The following CD40LG variants were observed in gnomAD, a reference collection of about 807,000 sequenced individuals.
CD40LG encodes CD40 antigen ligand.
In CD40LG, 1 loss-of-function variant was observed where a neutral mutation model predicts 17.2. The ratio of observed to expected loss-of-function variants is 0.06; its 90% CI spans 0.02 to 0.28. The LOEUF (loss-of-function observed/expected upper bound fraction) is 0.28, where lower values mean the gene tolerates loss of function less well. Among genes scored for constraint, CD40LG ranks in the 10% least tolerant of loss-of-function variants. The pLI is 1.00. For missense variants in CD40LG, 133 were observed against 193.2 expected (o/e 0.69, Z 1.85); for synonymous variants, 66 against 74.4 (o/e 0.89, Z 0.58).
intron 2 of CD40LG, among the ~76,000 whole-genome samples, chrX:136,653,872 C>T (rs779654005): frequency 1.5e-3 from 171 of 112,167 alleles, no homozygotes; most frequent in African/African-American, 5.2e-3. Context: ...TTAAAAATGT[C>T]TGAGGGTCTT....
rs2076094811 is a variant in CD40LG at position 136,648,288 on chromosome X, G to A, written c.40G>A (p.Ala14Thr). The A allele has an allele frequency of 2.5e-6, 3 of 1,201,702 alleles. No individual in the cohort carries two copies. The highest frequency in any genetic ancestry group is 3.4e-6 in the Non-Finnish European group (3 of 886,392). Residue 14 changes from alanine (A) to threonine (T), a missense_variant, in exon 1 of 5, where the codon GCC becomes ACC. Coordinates refer to ENST00000370629, the MANE Select transcript of CD40LG (RefSeq NM_000074.3). The part of the protein sequence containing the change: ...TYNQTSPRSA[A>T]TGLPISMKIF... Reference sequence around the variant, plus strand: ...CAACCAAACTTCTCCCCGATCTGCGGCCACTGGACTGCCCATCAGCATGAA... The same window carrying A: ...CAACCAAACTTCTCCCCGATCTGCGACCACTGGACTGCCCATCAGCATGAA...
chrX:136,656,368 C>T lies in CD40LG; in HGVS notation c.359C>T (p.Pro120Leu). 8.3e-7 allele frequency: 1 copy of T among 1,209,902 alleles called. No individual in the cohort carries two copies. Among genetic ancestry groups the T allele is most frequent in the Non-Finnish European group, 1.1e-6 (1 of 893,907 alleles). The change falls in exon 4 of 5, where the codon CCT (proline) becomes CTT (leucine). Residue 120 changes from proline to leucine, a missense_variant. By Grantham distance (98) the Pro-to-Leu change is moderately conservative. Coordinates refer to ENST00000370629, the MANE Select transcript of CD40LG (RefSeq NM_000074.3). ...GGTTCCATTTCAGGTGATCAGAATCCTCAAATTGCGGCACATGTCATAAGT... is the reference window on the plus strand; with the variant it reads ...GGTTCCATTTCAGGTGATCAGAATCTTCAAATTGCGGCACATGTCATAAGT... ...SFEMQKGDQN[P>L]QIAAHVISEA...
intron 1 of CD40LG, 96 bp downstream of exon 1, chrX:136,648,500 A>C (rs1490100288): frequency 6.6e-6 from 5 of 755,340 alleles, no homozygotes; most frequent in Non-Finnish European, 1.0e-5. Context: ...TAGAAACCAA[A>C]TAGAAGAATG....
At chrX:136,654,672 A>G (rs955943973) in intron 3 of CD40LG, among the ~76,000 whole-genome samples, 1 of 111,984 alleles carries the variant, frequency 8.9e-6, no homozygotes, top group Admixed American at 9.5e-5. Flanking sequence ...ATCTGAAGAA[A>G]TCCCATTATG....
intron 2 of CD40LG, among the ~76,000 whole-genome samples, chrX:136,653,429 T>G (rs1465404420): frequency 1.8e-5 from 2 of 112,624 alleles, no homozygotes; most frequent in African/African-American, 6.5e-5. Context: ...ACTTTGATTA[T>G]CATAAGATGT....
chrX:136,653,733 C>T (rs928202962), intron 2 of CD40LG, among the ~76,000 whole-genome samples: 7 of 112,418 alleles, frequency 6.2e-5, no homozygotes, highest in Admixed American at 5.7e-4. Context: ...TAAGAAGTGT[C>T]GCACTTGCCT....
chrX:136,655,040 C>T (rs1463509550), intron 3 of CD40LG, among the ~76,000 whole-genome samples: 1 of 111,421 alleles, frequency 9.0e-6, no homozygotes, highest in African/African-American at 3.3e-5. Context: ...ATAAGGCAGC[C>T]TGATCCGTCT....
rs1161493956 is a variant in CD40LG, at chrX:136,648,423, C to T, written c.156+19C>T. Reference sequence around the variant, plus strand: ...GGACAAGGTAAGATGAACCACAAGCCTTTATTAACTAAATTTGGGGTCCTT... The same window carrying T: ...GGACAAGGTAAGATGAACCACAAGCTTTTATTAACTAAATTTGGGGTCCTT... On this transcript the variant is annotated intron_variant, in intron 1 of 4. Transcript: ENST00000370629. 8.4e-7 allele frequency: 1 copy of T among 1,197,293 alleles called. No individual in the cohort carries two copies. The highest frequency in any genetic ancestry group is 3.0e-5 in the East Asian group (1 of 33,818).
intron 2 of CD40LG, 68 bp downstream of exon 2, chrX:136,650,465 T>G: frequency 1.0e-6 from 1 of 985,370 alleles, no homozygotes; most frequent in Admixed American, 2.2e-5. Context: ...ATCGGGAAAC[T>G]GACAATGCCA....
chrX:136,650,673 A>G (rs752885817), intron 2 of CD40LG, among the ~76,000 whole-genome samples: 1 of 110,993 alleles, frequency 9.0e-6, no homozygotes, highest in East Asian at 2.8e-4. Flanking sequence ...CACTAGGCAA[A>G]ATGATGAAGT....
At position 136,653,419 on chromosome X, in the gene CD40LG, A is replaced by G. The variant is rs1454255239; in HGVS notation, c.289-954A>G. 9.8e-5 allele frequency among the ~76,000 whole-genome samples: 11 copies of G among 112,618 alleles called. No individual in the cohort carries two copies. In the Admixed American group the frequency reaches 1.0e-3, roughly 11 times the overall value. On this transcript the variant is annotated intron_variant, in intron 2 of 4. Coordinates refer to ENST00000370629, the MANE Select transcript of CD40LG (RefSeq NM_000074.3). Reference sequence around the variant, plus strand: ...TTCCAGGAGTGGGAAGGAGCACAGGACTTTGATTATCATAAGATGTGAAAA... The same window carrying G: ...TTCCAGGAGTGGGAAGGAGCACAGGGCTTTGATTATCATAAGATGTGAAAA...
At chrX:136,655,780 T>C (rs1425481743) in intron 3 of CD40LG, among the ~76,000 whole-genome samples, 1 of 112,225 alleles carries the variant, frequency 8.9e-6, no homozygotes, top group Non-Finnish European at 1.9e-5. Context: ...AAACTGGTCA[T>C]TTAGGTCATG....
At chrX:136,650,633 A>G (rs2076101577) in intron 2 of CD40LG, among the ~76,000 whole-genome samples, 1 of 110,214 alleles carries the variant, frequency 9.1e-6, no homozygotes, top group South Asian at 3.9e-4. Flanking sequence ...GCACAGTCAC[A>G]CATATTTGTC....
intron 1 of CD40LG, among the ~76,000 whole-genome samples, chrX:136,649,801 A>T (rs1203376155): frequency 2.7e-5 from 3 of 112,799 alleles, no homozygotes; most frequent in Non-Finnish European, 5.6e-5. Flanking sequence ...AGAGAGATGT[A>T]ATTAGAACTC....
intron 1 of CD40LG, among the ~76,000 whole-genome samples, chrX:136,649,369 A>G (rs987372646): frequency 8.9e-6 from 1 of 112,278 alleles, no homozygotes; most frequent in Non-Finnish European, 1.9e-5. Context: ...AAGGTGAGGT[A>G]GTGAGGGCTG....
In CD40LG at chrX:136,659,180, C is replaced by T. The variant is rs371041193; in HGVS notation, c.551C>T (p.Ser184Leu). The T allele has an allele frequency of 6.6e-6, 8 of 1,209,691 alleles. No homozygotes were observed. The highest frequency in any genetic ancestry group is 3.0e-5 in the East Asian group (1 of 33,801). Residue 184 changes from serine (S) to leucine (L), a missense_variant, in exon 5 of 5, where the codon TCG becomes TTG. Physicochemically the swap from Ser to Leu is moderately radical, Grantham distance 145 (BLOSUM62 -2). Transcript: ENST00000370629. ...QVTFCSNREA[S>L]SQAPFIASLC... ...ACCTTCTGTTCCAATCGGGAAGCTT[C>T]GAGTCAAGCTCCATTTATAGCCAGC...
At chrX:136,648,540 C>A in intron 1 of CD40LG, 136 bp downstream of exon 1, 1 of 598,732 alleles carries the variant, frequency 1.7e-6, no homozygotes, top group South Asian at 2.5e-5. Flanking sequence ...GTTGCCTAGT[C>A]AATGAAGTCT....
At chrX:136,654,840 T>C (rs923496754) in intron 3 of CD40LG, among the ~76,000 whole-genome samples, 32 of 111,010 alleles carry the variant, frequency 2.9e-4, no homozygotes, top group African/African-American at 8.9e-4. Context: ...GATCAAGGAG[T>C]GACAATGTCA....
At chrX:136,653,366 T>C (rs1009968588) in intron 2 of CD40LG, among the ~76,000 whole-genome samples, 1 of 111,998 alleles carries the variant, frequency 8.9e-6, no homozygotes, top group Admixed American at 9.4e-5. Context: ...GAGGAGGAAA[T>C]AAAAGGAAGG....
Sources: gnomAD v4.1 joint callset for allele counts (sites outside exome capture counted in the v4.1 genomes callset) on GRCh38, gnomAD v4.1.1 for gene constraint, MANE v1.5 for transcripts, NCBI Gene and HGNC (gene_info 2026-07-23, HGNC 2026-07-21) for gene names.